MYO5C: variants seen among roughly 807,000 people sequenced by gnomAD.
MYO5C encodes the protein unconventional myosin-Vc.
MYO5C carries 194 observed loss-of-function variants against 235.7 expected under a neutral mutation model. The observed-to-expected ratio is 0.82, with a 90% CI of 0.73 to 0.93. The LOEUF (loss-of-function observed/expected upper bound fraction) is 0.93. MYO5C is among the 40% of genes least tolerant of loss of function. MYO5C has a pLI of 0.00. For missense variants in MYO5C, 2,038 were observed against 2,127.2 expected (o/e 0.96, Z 0.82); for synonymous variants, 707 against 754.8 (o/e 0.94, Z 1.04).
chr15:52,265,031 C>T (rs930016223), intron 8 of MYO5C, among the ~76,000 whole-genome samples: 14 of 152,166 alleles, frequency 9.2e-5, no homozygotes, highest in Non-Finnish European at 1.5e-4. Flanking sequence ...GTGCCCACTG[C>T]CCCTTGTATT....
At chr15:52,291,731 GTTTTTTTTTTTT>G (rs1196328559) in intron 1 of MYO5C, among the ~76,000 whole-genome samples, 2 of 52,562 alleles carry the variant, frequency 3.8e-5, no homozygotes, top group African/African-American at 1.7e-4. Flanking sequence ...CATATTTTAT[GTTTTTTTTTTTT>G]TTTTTTTTTT....
intron 11 of MYO5C, among the ~76,000 whole-genome samples, chr15:52,254,584 A>G (rs1309665946): frequency 7.3e-6 from 1 of 137,800 alleles, no homozygotes; most frequent in South Asian, 2.3e-4. Flanking sequence ...TGTGCTGACA[A>G]TTGAAGATAC....
intron 1 of MYO5C, among the ~76,000 whole-genome samples, chr15:52,285,084 C>G (rs1002843638): frequency 2.0e-5 from 3 of 152,120 alleles, no homozygotes; most frequent in Non-Finnish European, 2.9e-5. Flanking sequence ...AAGAATAAAA[C>G]AGGCTGGGCA....
At chr15:52,277,143 T>C (rs1372028281) in intron 4 of MYO5C, 2 of 528,864 alleles carry the variant, frequency 3.8e-6, no homozygotes, top group East Asian at 5.6e-5. Flanking sequence ...CCTCAGGGCA[T>C]AGAACAGGGC....
chr15:52,251,246 TA>T, intron 13 of MYO5C, 143 bp downstream of exon 13: 1 of 694,120 alleles, frequency 1.4e-6, no homozygotes. Context: ...CAAAAACAAA[TA>T]AGGAACTGTT....
chr15:52,232,796 T>A, intron 23 of MYO5C, 111 bp from the exon 24 acceptor site: 1 of 910,594 alleles, frequency 1.1e-6, no homozygotes, highest in Non-Finnish European at 1.8e-6. Context: ...ATGTTTATTA[T>A]TAACAGGACT....
intron 20 of MYO5C, among the ~76,000 whole-genome samples, chr15:52,241,438 T>G (rs562370749): frequency 2.6e-5 from 4 of 152,032 alleles, no homozygotes; most frequent in Admixed American, 6.5e-5. Flanking sequence ...TTTTTGTATT[T>G]TTAGTAGAGA....
rs1284427290 is a variant in MYO5C, at chr15:52,251,285, T to G, written c.1662+105A>C. On this transcript the variant is annotated intron_variant, in intron 13 of 40. Coordinates refer to ENST00000261839, the MANE Select transcript of MYO5C (RefSeq NM_018728.4). Reference sequence around the variant, plus strand: ...ACACACACTCATCAAAGCTACATGTTAAGTATGACTTGAATCTGATCAGAA... The same window carrying G: ...ACACACACTCATCAAAGCTACATGTGAAGTATGACTTGAATCTGATCAGAA... 9.7e-6 allele frequency: 11 copies of G among 1,130,368 alleles called. No homozygotes were observed. In the East Asian group the frequency reaches 3.0e-4, roughly 30 times the overall value. 70.0% of individuals were successfully genotyped at this position (1,130,368 alleles called of 1,614,324 possible).
At chr15:52,257,243 A>T (rs2036602965) in intron 10 of MYO5C, among the ~76,000 whole-genome samples, 1 of 152,220 alleles carries the variant, frequency 6.6e-6, no homozygotes, top group Non-Finnish European at 1.5e-5. Context: ...CATAGCTCCT[A>T]GAGGAAAAGG....
intron 11 of MYO5C, among the ~76,000 whole-genome samples, chr15:52,254,457 T>A (rs955836046): frequency 6.6e-6 from 1 of 151,992 alleles, no homozygotes; most frequent in African/African-American, 2.4e-5. Flanking sequence ...GAGGAGAAGG[T>A]GGCACCGGCA....
rs150613887 is a variant in MYO5C, at chr15:52,215,777, T to C, written c.3955-1087A>G. Among the ~76,000 whole-genome samples, 47 of 152,342 alleles carry C rather than the reference T, an allele frequency of 3.1e-4. No homozygotes were observed. The East Asian group carries it at 7.7e-3, about 25-fold the overall frequency. On this transcript the variant is annotated intron_variant, in intron 32 of 40. Coordinates refer to ENST00000261839, the MANE Select transcript of MYO5C (RefSeq NM_018728.4). ...TACATTTTATAAAATTGGGATCATA[T>C]TACATGCAAAATTTCAAATCCTACA... is the stretch of plus-strand genomic sequence containing the variant.
At chr15:52,288,472 C>T (rs1019494252) in intron 1 of MYO5C, among the ~76,000 whole-genome samples, 13 of 152,318 alleles carry the variant, frequency 8.5e-5, no homozygotes, top group Admixed American at 3.9e-4. Context: ...CCACACCCTG[C>T]GATCCTGGTG....
At chr15:52,248,065 CACTT>C (rs955768900) in intron 14 of MYO5C, among the ~76,000 whole-genome samples, 2 of 152,214 alleles carry the variant, frequency 1.3e-5, no homozygotes, top group Non-Finnish European at 2.9e-5. Flanking sequence ...TCATTTAAAG[CACTT>C]ACTACCTTCT....
intron 20 of MYO5C, among the ~76,000 whole-genome samples, chr15:52,241,693 G>A (rs1188257848): frequency 6.6e-6 from 1 of 152,128 alleles, no homozygotes; most frequent in East Asian, 1.9e-4. Flanking sequence ...GTCTCTTTGG[G>A]GCCAACTGGG....
At chr15:52,232,499 C>G in intron 24 of MYO5C, 123 bp downstream of exon 24, 1 of 868,566 alleles carries the variant, frequency 1.2e-6, no homozygotes, top group Non-Finnish European at 1.9e-6. Context: ...AATCTCACTT[C>G]CTAAAAACAG....
rs781703830 is a variant in MYO5C, at chr15:52,239,797, C to T, written c.2639G>A (p.Arg880Gln). 33 of 1,613,464 alleles carry T rather than the reference C, an allele frequency of 2.0e-5. No homozygotes were observed. Among genetic ancestry groups the T allele is most frequent in the Admixed American group, 1.3e-4 (8 of 59,940 alleles). The change falls in exon 21 of 41, where the codon CGA (arginine) becomes CAA (glutamine). Residue 880 changes from arginine to glutamine, a missense_variant. Coordinates refer to ENST00000261839, the MANE Select transcript of MYO5C (RefSeq NM_018728.4). ...LARRRFQSIR[R>Q]FVLNIQLTYR... ...AGTAAGCTGAATATTAAGCACGAAT[C>T]GTCGGATACTCTGGAATCTGCGTCT...
At position 52,260,918 on chromosome 15, in the gene MYO5C, T is replaced by G; in HGVS notation, c.1257A>C (p.Gln419His). 1 of 1,614,206 alleles carries G rather than the reference T, an allele frequency of 6.2e-7. No homozygotes were observed. The highest frequency in any genetic ancestry group is 8.5e-7 in the Non-Finnish European group (1 of 1,180,038). The change falls in exon 10 of 41, where the codon CAA becomes CAC. Residue 419 changes from glutamine (Q) to histidine (H), a missense_variant. Transcript: ENST00000261839. Reference sequence around the variant, plus strand: ...GCTGCTTGCCTGAAAACTGCAACGCTTGGTTAATTCTCTCCACAATGAAGT... The same window carrying G: ...GCTGCTTGCCTGAAAACTGCAACGCGTGGTTAATTCTCTCCACAATGAAGT... ...LFDFIVERIN[Q>H]ALQFSGKQHT...
intron 32 of MYO5C, 143 bp from the exon 33 acceptor site, chr15:52,214,833 T>C (rs1449031521): frequency 5.6e-6 from 3 of 537,288 alleles, no homozygotes; most frequent in Non-Finnish European, 6.4e-6. Flanking sequence ...GGTTTTTTAG[T>C]GTAGTCAGAG....
rs753841890 is a variant in MYO5C at position 52,235,660 on chromosome 15, C to T, written c.2962+10G>A. 11 of 1,599,764 alleles carry T rather than the reference C, an allele frequency of 6.9e-6. No individual in the cohort carries two copies. Among genetic ancestry groups the T allele is most frequent in the Non-Finnish European group, 9.4e-6 (11 of 1,171,524 alleles). ...AGTGAATGTCTGGATTTGTGCCCCC[C>T]AAGCTTTACCTTTTAACTCTTCAGT... On this transcript the variant is annotated intron_variant, in intron 23 of 40. Transcript: ENST00000261839.
Sources: gnomAD v4.1 joint callset for allele counts (sites outside exome capture counted in the v4.1 genomes callset) on GRCh38, gnomAD v4.1.1 for gene constraint, MANE v1.5 for transcripts, NCBI Gene and HGNC (gene_info 2026-07-23, HGNC 2026-07-21) for gene names.